Variants in BLM observed in about 807,000 individuals in gnomAD.
BLM encodes the protein BLM RecQ like helicase.
A neutral mutation model predicts 135.3 loss-of-function variants in BLM; 95 were observed. That is an observed-to-expected ratio of 0.70 (90% CI 0.59 to 0.83). BLM has a LOEUF of 0.83. Among genes scored for constraint, BLM ranks in the 40% least tolerant of loss-of-function variants. BLM has a pLI of 0.00. For synonymous variants in BLM, 520 were observed against 589.2 expected, an observed-to-expected ratio of 0.88 and a Z score of 1.70; for missense variants, 1,518 against 1,663.9, an observed-to-expected ratio of 0.91 and a Z score of 1.53.
At chr15:90,807,090 T>C (rs1897302179) in intron 19 of BLM, among the ~76,000 whole-genome samples, 1 of 152,214 alleles carries the variant, frequency 6.6e-6, no homozygotes, top group Non-Finnish European at 1.5e-5. Context: ...CATGTCTTTG[T>C]TTTTCCCTAT....
intron 15 of BLM, 87 bp downstream of exon 15, chr15:90,790,931 A>G: frequency 7.5e-7 from 1 of 1,333,046 alleles, no homozygotes; most frequent in Non-Finnish European, 1.1e-6. Context: ...CTTCTGGTCC[A>G]GTTTTCCTTA....
At chr15:90,759,913 TAAA>T (rs60293840) in intron 5 of BLM, 4,829 of 282,346 alleles carry the variant, frequency 0.017, 2 homozygotes, top group East Asian at 0.03. Flanking sequence ...AGCCCCACTT[TAAA>T]AAAAAAAAAA....
intron 16 of BLM, among the ~76,000 whole-genome samples, chr15:90,796,675 T>C (rs1301557671): frequency 3.3e-5 from 5 of 152,168 alleles, no homozygotes; most frequent in Non-Finnish European, 7.3e-5. Context: ...TAACAGTCCA[T>C]TCGAGCTTTG....
chr15:90,734,644 C>T (rs894542779), intron 1 of BLM, among the ~76,000 whole-genome samples: 5 of 151,632 alleles, frequency 3.3e-5, no homozygotes, highest in Admixed American at 1.3e-4. Context: ...CTGTCTCTCA[C>T]GCACACATAC....
At chr15:90,799,306 T>A (rs1196897704) in intron 17 of BLM, among the ~76,000 whole-genome samples, 1 of 151,884 alleles carries the variant, frequency 6.6e-6, no homozygotes, top group East Asian at 1.9e-4. Flanking sequence ...GTTTTTAAAA[T>A]AAATACTTAA....
rs757776996 is a variant in BLM, at chr15:90,815,566, C to A, written c.*287C>A. 3.0e-5 allele frequency: 13 copies of A among 426,652 alleles called. No individual in the cohort carries two copies. Among genetic ancestry groups the A allele is most frequent in the Non-Finnish European group, 5.1e-5 (12 of 237,444 alleles). 26.4% of individuals were successfully genotyped at this position (426,652 alleles called of 1,614,324 possible). A position where few individuals can be genotyped will look rare whatever the true frequency, so the allele number is the denominator to read the frequency against. Reference sequence around the variant, plus strand: ...GAGCTTCTGAGCATAACACGAAACCCAGAAGCCAAAGGAAGAGCCACGCGT... The same window carrying A: ...GAGCTTCTGAGCATAACACGAAACCAAGAAGCCAAAGGAAGAGCCACGCGT... On this transcript the variant is annotated 3_prime_UTR_variant, in exon 22 of 22. Transcript: ENST00000355112. This position sits in a 1 kb window ranked among gnomAD's most constrained non-coding sequence, Gnocchi z 4.6.
Position 90,787,036 on chromosome 15 carries a change from C to CTT in BLM, c.2823+1984_2823+1985dup, listed in dbSNP as rs11366266. ...AAAGCTGAAAATACTTTAGGCATCT[C>CTT]TTTTTTTTTTTTTTTTTTTTTTTTT... On this transcript the variant is annotated intron_variant, in intron 14 of 21. Coordinates refer to ENST00000355112, the MANE Select transcript of BLM (RefSeq NM_000057.4). Among the ~76,000 whole-genome samples the CTT allele has an allele frequency of 2.7e-3, 156 of 58,010 alleles. 4 individuals carry two copies. The highest frequency in any genetic ancestry group is 6.3e-3 in the East Asian group (14 of 2,232). The allele number at this position is 58,010 out of a possible 152,430, so 38.1% of individuals were successfully genotyped here.
Position 90,761,062 on chromosome 15 carries a change from T to C in BLM, c.1689T>C (p.Asp563=). The C allele has an allele frequency of 6.3e-7, 1 of 1,582,986 alleles. No homozygotes were observed. ...IDNFDIDDFD[D]DDDWEDIMHN... is the part of the protein sequence containing the mutation. Reference sequence around the variant, plus strand: ...ATTTTGACATAGATGACTTTGATGATGATGATGACTGGGAAGACATAATGC... The same window carrying C: ...ATTTTGACATAGATGACTTTGATGACGATGATGACTGGGAAGACATAATGC... Residue 563 remains aspartate, a synonymous_variant, in exon 7 of 22, where the codon GAT becomes GAC. Coordinates refer to ENST00000355112, the MANE Select transcript of BLM (RefSeq NM_000057.4).
rs781586548 is a variant in BLM, at chr15:90,794,286, G to A, written c.3139G>A (p.Glu1047Lys). 1 of 1,607,034 alleles carries A rather than the reference G, an allele frequency of 6.2e-7. No individual in the cohort carries two copies. Residue 1047 changes from glutamate to lysine, a missense_variant, in exon 16 of 22, where the codon GAA becomes AAA. Glu to Lys is a moderately conservative substitution (Grantham distance 56). Transcript: ENST00000355112. ...RRIQLLAYFG[E>K]NGFNPDFCKK... ...AATACAGCTTTTGGCCTACTTTGGT[G>A]AAAATGGATTTAATCCTGATTTTTG... is the stretch of plus-strand genomic sequence containing the variant.
intron 17 of BLM, among the ~76,000 whole-genome samples, chr15:90,801,348 G>C (rs1334551724): frequency 6.6e-6 from 1 of 152,108 alleles, no homozygotes; most frequent in East Asian, 1.9e-4. Context: ...GACAGAACAA[G>C]ATGTAAATGT....
intron 15 of BLM, chr15:90,793,925 T>A (rs1398396177): frequency 6.9e-6 from 2 of 291,166 alleles, no homozygotes; most frequent in Admixed American, 4.9e-5. Flanking sequence ...CAAACCATCA[T>A]CATTGGGGAT....
At chr15:90,804,595 C>G (rs1403666534) in intron 19 of BLM, among the ~76,000 whole-genome samples, 1 of 152,086 alleles carries the variant, frequency 6.6e-6, no homozygotes, top group Non-Finnish European at 1.5e-5. Flanking sequence ...TCCCAAGTAG[C>G]TGGGACTACA....
chr15:90,724,776 C>T (rs975336264), intron 1 of BLM, among the ~76,000 whole-genome samples: 16 of 152,182 alleles, frequency 1.1e-4, no homozygotes, highest in African/African-American at 2.9e-4. Context: ...TACATGTTCT[C>T]ACCAACCTAG....
At chr15:90,802,192 T>G (rs1897180918) in intron 17 of BLM, among the ~76,000 whole-genome samples, 1 of 152,228 alleles carries the variant, frequency 6.6e-6, no homozygotes, top group Non-Finnish European at 1.5e-5. Context: ...ACAAATTACT[T>G]AAAGAAAATT....
chr15:90,781,365 C>A (rs10220860), intron 12 of BLM, among the ~76,000 whole-genome samples: 1 of 152,262 alleles, frequency 6.6e-6, no homozygotes, highest in Admixed American at 6.5e-5. Context: ...TGGCTCACAC[C>A]TGTAATCCCA....
intron 5 of BLM, 141 bp downstream of exon 5, chr15:90,755,079 C>G (rs1286015800): frequency 1.6e-5 from 18 of 1,097,156 alleles, no homozygotes; most frequent in Non-Finnish European, 2.2e-5. Context: ...AATGTCATAA[C>G]CTTGTTTACT....
chr15:90,778,260 G>C (rs549663920), intron 12 of BLM, among the ~76,000 whole-genome samples: 23 of 152,244 alleles, frequency 1.5e-4, no homozygotes, highest in Admixed American at 1.4e-3. Context: ...TTTAGTAAAA[G>C]TAATTTGTTT....
intron 13 of BLM, among the ~76,000 whole-genome samples, chr15:90,784,627 C>T (rs1411572248): frequency 2.6e-5 from 4 of 151,496 alleles, no homozygotes; most frequent in Non-Finnish European, 4.4e-5. Context: ...TGAGCCACCG[C>T]GCCCGGCCAA....
Position 90,766,944 on chromosome 15 carries a change from A to C in BLM, c.2228A>C (p.Asp743Ala). Residue 743 changes from aspartate (D) to alanine (A), a missense_variant, in exon 10 of 22, where the codon GAC (aspartate) becomes GCC (alanine). Physicochemically the swap from Asp to Ala is moderately radical, Grantham distance 126. This residue lies in a region of BLM where 626 missense variants were observed against 681.1 expected (regional missense o/e 0.92). Coordinates refer to ENST00000355112, the MANE Select transcript of BLM (RefSeq NM_000057.4). Reference sequence around the variant, plus strand: ...ACATATCTGACAGGTGATAAGACTGACTCAGAAGCTACAAATATTTACCTC... The same window carrying C: ...ACATATCTGACAGGTGATAAGACTGCCTCAGAAGCTACAAATATTTACCTC... Reference protein sequence around the residue: ...PATYLTGDKTDSEATNIYLQL... With the variant: ...PATYLTGDKTASEATNIYLQL... 6.2e-7 allele frequency: 1 copy of C among 1,605,380 alleles called. No individual in the cohort carries two copies. Among genetic ancestry groups the C allele is most frequent in the Non-Finnish European group, 8.5e-7 (1 of 1,172,840 alleles).
Sources: allele counts gnomAD v4.1 joint callset (sites outside exome capture counted in the v4.1 genomes callset), GRCh38; gene constraint gnomAD v4.1.1; regional missense constraint gnomAD v4.1.1; non-coding constraint Gnocchi (gnomAD v3.1); transcripts MANE v1.5; gene names NCBI Gene and HGNC (gene_info 2026-07-23, HGNC 2026-07-21).